The following ZNF316 variants were observed in gnomAD, a reference collection of about 807,000 sequenced individuals.
The protein encoded by ZNF316 is zinc finger protein 316.
A neutral mutation model predicts 75.6 loss-of-function variants in ZNF316; 23 were observed. The ratio of observed to expected loss-of-function variants is 0.30; its 90% CI spans 0.22 to 0.43. ZNF316 has a LOEUF of 0.43. Among genes scored for constraint, ZNF316 ranks in the 20% least tolerant of loss-of-function variants. ZNF316 has a pLI of 1.00. For synonymous variants in ZNF316, 827 were observed against 666.2 expected (o/e 1.24, Z -3.72); for missense variants, 1,266 against 1,409.4 (o/e 0.90, Z 1.63).
At chr7:6,649,839 C>G (rs1019663521) in intron 8 of ZNF316, among the ~76,000 whole-genome samples, 2 of 152,148 alleles carry the variant, frequency 1.3e-5, no homozygotes, top group Admixed American at 6.5e-5. Flanking sequence ...GCCCTCTCTA[C>G]AGATCCCACT....
chr7:6,643,812 G>C lies in ZNF316; in HGVS notation c.466-10G>C. The C allele has an allele frequency of 2.4e-6, 3 of 1,235,028 alleles. No homozygotes were observed. The highest frequency in any genetic ancestry group is 3.0e-6 in the Non-Finnish European group (3 of 989,684). The allele number at this position is 1,235,028 out of a possible 1,614,324, so 76.5% of individuals were successfully genotyped here. A position where few individuals can be genotyped will look rare whatever the true frequency, so the allele number is the denominator to read the frequency against. On this transcript the variant is annotated splice_polypyrimidine_tract_variant and intron_variant, in intron 6 of 8. Transcript: ENST00000382252. Reference sequence around the variant, plus strand: ...CCCTCAGCCTCTCACCTGAGGCTCTGTTTCCCCAGGAGCTGGTGACGTTTG... The same window carrying C: ...CCCTCAGCCTCTCACCTGAGGCTCTCTTTCCCCAGGAGCTGGTGACGTTTG...
Position 6,642,331 on chromosome 7 carries a change from C to A in ZNF316, c.-28-51C>A. 1 of 957,614 alleles carries A rather than the reference C, an allele frequency of 1.0e-6. No homozygotes were observed. Among genetic ancestry groups the A allele is most frequent in the Non-Finnish European group, 1.4e-6 (1 of 737,958 alleles). The allele number at this position is 957,614 out of a possible 1,614,324, so 59.3% of individuals were successfully genotyped here. A position where few individuals can be genotyped will look rare whatever the true frequency, so the allele number is the denominator to read the frequency against. ...GGCTGCGGGAGACCCTGTGAGGGGA[C>A]CGTGTGGTGTGCTGAGAGCAGCCCG... is the stretch of plus-strand genomic sequence containing the variant. On this transcript the variant is annotated intron_variant, in intron 4 of 8. Transcript: ENST00000382252. The surrounding 1 kb of genome is among the most constrained non-coding windows in gnomAD (Gnocchi z 8.1).
chr7:6,642,743 T>C lies in ZNF316; in HGVS notation c.334T>C (p.Ser112Pro). 8.1e-7 allele frequency: 1 copy of C among 1,233,368 alleles called. No homozygotes were observed. The highest frequency in any genetic ancestry group is 1.0e-6 in the Non-Finnish European group (1 of 988,974). The allele number at this position is 1,233,368 out of a possible 1,614,324, so 76.4% of individuals were successfully genotyped here. ...ERLSRGGDAK[S>P]PVLQEKGLQA... ...ACTTAGCCGTGGTGGTGATGCCAAG[T>C]CCCCAGTTCTTCAGGAAAAGGGTAA... is the stretch of plus-strand genomic sequence containing the variant. The change falls in exon 5 of 9, where the codon TCC (serine) becomes CCC (proline). Residue 112 changes from serine to proline, a missense_variant. This residue lies in a region of ZNF316 where 961 missense variants were observed against 990.9 expected (regional missense o/e 0.97). Transcript: ENST00000382252. The surrounding 1 kb of genome is among the most constrained non-coding windows in gnomAD (Gnocchi z 8.1).
chr7:6,644,604 A>G lies in ZNF316; in HGVS notation c.706+11A>G. On this transcript the variant is annotated intron_variant, in intron 8 of 8. Transcript: ENST00000382252. Reference sequence around the variant, plus strand: ...CTGGCGTCTACACAGGTGAGCGTGGATGGAATTTTGCGGTTTGTGCCGATA... The same window carrying G: ...CTGGCGTCTACACAGGTGAGCGTGGGTGGAATTTTGCGGTTTGTGCCGATA... 2.4e-6 allele frequency: 3 copies of G among 1,228,812 alleles called. 1 individual carries two copies. The highest frequency in any genetic ancestry group is 3.0e-6 in the Non-Finnish European group (3 of 984,912). 76.1% of individuals were successfully genotyped at this position (1,228,812 alleles called of 1,614,324 possible).
Position 6,642,284 on chromosome 7 carries a change from C to T in ZNF316, c.-28-98C>T, listed in dbSNP as rs1454227055. ...CAACTACATAACAGGAGGAGTAAAT[C>T]CTGCTCCCTGCGCCCCCGCCAGGCT... On this transcript the variant is annotated intron_variant, in intron 4 of 8. Coordinates refer to ENST00000382252, the MANE Select transcript of ZNF316 (RefSeq NM_001278559.2). The surrounding 1 kb of genome is among the most constrained non-coding windows in gnomAD (Gnocchi z 8.1). 2.0e-6 allele frequency: 1 copy of T among 510,062 alleles called. No homozygotes were observed. The highest frequency in any genetic ancestry group is 3.0e-6 in the Non-Finnish European group (1 of 328,664). The allele number at this position is 510,062 out of a possible 1,614,324, so 31.6% of individuals were successfully genotyped here.
rs907594755 is a variant in ZNF316 at position 6,652,903 on chromosome 7, C to T, written c.1307C>T (p.Ala436Val). 153 of 1,237,726 alleles carry T rather than the reference C, an allele frequency of 1.2e-4. No homozygotes were observed. Among genetic ancestry groups the T allele is most frequent in the Middle Eastern group, 2.1e-4 (1 of 4,768 alleles). 76.7% of individuals were successfully genotyped at this position (1,237,726 alleles called of 1,614,324 possible). ...CCCTACCGCTGCGCCTTCTGCGGCG[C>T]GGGCTTCGGGCGCCGCTCCTACCTG... Reference protein sequence around the residue: ...ERPYRCAFCGAGFGRRSYLVT... With the variant: ...ERPYRCAFCGVGFGRRSYLVT... The change falls in exon 9 of 9, where the codon GCG becomes GTG. Residue 436 changes from alanine (A) to valine (V), a missense_variant. Ala to Val is a moderately conservative substitution (Grantham distance 64, BLOSUM62 0). Around this residue, in one of 3 missense-constraint regions of ZNF316, gnomAD observed 961 missense variants for 990.9 expected, o/e 0.97. Transcript: ENST00000382252.
chr7:6,648,925 T>A (rs908640607), intron 8 of ZNF316, among the ~76,000 whole-genome samples: 2 of 152,174 alleles, frequency 1.3e-5, no homozygotes, highest in Non-Finnish European at 2.9e-5. Flanking sequence ...CTGGTGCTGA[T>A]GCCTGTGGAG....
rs1475869873 is a variant in ZNF316, at chr7:6,653,884, C to T, written c.2288C>T (p.Ala763Val). ...CGGTTCGCCCGCGGCTCGCACTTGG[C>T]GGCGCACGTGCGCGGCCACACGGGC... ...GARFARGSHL[A>V]AHVRGHTGEK... Residue 763 changes from alanine to valine, a missense_variant, in exon 9 of 9, where the codon GCG (alanine) becomes GTG (valine). Physicochemically the swap from Ala to Val is moderately conservative, Grantham distance 64. This residue lies in a region of ZNF316 where 194 missense variants were observed against 319.2 expected (regional missense o/e 0.61). Coordinates refer to ENST00000382252, the MANE Select transcript of ZNF316 (RefSeq NM_001278559.2). The T allele has an allele frequency of 1.8e-6, 2 of 1,100,374 alleles. No individual in the cohort carries two copies. The highest frequency in any genetic ancestry group is 2.2e-6 in the Non-Finnish European group (2 of 903,804). 68.2% of individuals were successfully genotyped at this position (1,100,374 alleles called of 1,614,324 possible).
At chr7:6,648,682 C>T (rs1215023207) in intron 8 of ZNF316, among the ~76,000 whole-genome samples, 1 of 152,200 alleles carries the variant, frequency 6.6e-6, no homozygotes, top group Non-Finnish European at 1.5e-5. Flanking sequence ...GAATTCACAC[C>T]CAGACAGAGC....
Position 6,652,626 on chromosome 7 carries a change from G to C in ZNF316, c.1030G>C (p.Glu344Gln). Residue 344 changes from glutamate (E) to glutamine (Q), a missense_variant, in exon 9 of 9, where the codon GAG (glutamate) becomes CAG (glutamine). This residue lies in a region of ZNF316 where 961 missense variants were observed against 990.9 expected (regional missense o/e 0.97). Transcript: ENST00000382252. The stretch of plus-strand genomic sequence containing the variant: ...AGTGGCCCCGCCGGCCGGGAGGCCG[G>C]AGACCACGTGCGACGTGTGCGGCAA... ...AAVAPPAGRP[E>Q]TTCDVCGKVF... 2 of 1,230,462 alleles carry C rather than the reference G, an allele frequency of 1.6e-6. No homozygotes were observed. The highest frequency in any genetic ancestry group is 2.0e-6 in the Non-Finnish European group (2 of 987,044). The allele number at this position is 1,230,462 out of a possible 1,614,324, so 76.2% of individuals were successfully genotyped here.
intron 8 of ZNF316, among the ~76,000 whole-genome samples, chr7:6,645,993 C>CAAAAAA (rs58670070): frequency 4.0e-5 from 4 of 98,962 alleles, no homozygotes; most frequent in Non-Finnish European, 6.0e-5. Context: ...GACGCCATCT[C>CAAAAAA]AAAAAAAAAA....
rs1779645131 is a variant in ZNF316 at position 6,657,314 on chromosome 7, A to C, written c.*2703A>C. On this transcript the variant is annotated 3_prime_UTR_variant, in exon 9 of 9. Coordinates refer to ENST00000382252, the MANE Select transcript of ZNF316 (RefSeq NM_001278559.2). ...CGGCCAGAGCAACCTAATATTTCAA[A>C]AAAAAAAAAAAAAAAAAAAAAAAAG... is the stretch of plus-strand genomic sequence containing the variant. Among the ~76,000 whole-genome samples, 2 of 29,366 alleles carry C rather than the reference A, an allele frequency of 6.8e-5. No individual in the cohort carries two copies. The highest frequency in any genetic ancestry group is 1.0e-4 in the Non-Finnish European group (2 of 19,414). The allele number at this position is 29,366 out of a possible 152,430, so 19.3% of individuals were successfully genotyped here. A position where few individuals can be genotyped will look rare whatever the true frequency, so the allele number is the denominator to read the frequency against.
chr7:6,640,258 T>C lies in ZNF316; in HGVS notation c.-167+1117T>C, dbSNP rs1393936998. ...CTGTTCTCGCATTGCTGTAAAGAAA[T>C]ACCTGAGACTGGGTCATTTATAAAG... On this transcript the variant is annotated intron_variant, in intron 3 of 8. Transcript: ENST00000382252. This position sits in a 1 kb window ranked among gnomAD's most constrained non-coding sequence, Gnocchi z 5.1. Among the ~76,000 whole-genome samples, 1 of 152,150 alleles carries C rather than the reference T, an allele frequency of 6.6e-6. No individual in the cohort carries two copies. Among genetic ancestry groups the C allele is most frequent in the Non-Finnish European group, 1.5e-5 (1 of 68,040 alleles).
Position 6,655,074 on chromosome 7 carries a change from C to G in ZNF316, c.*463C>G, listed in dbSNP as rs1375163380. ...GGTGGGTTTGGCTGACCACTTCTTC[C>G]CATTCCTCAGTGAGAGACTTGGGCC... On this transcript the variant is annotated 3_prime_UTR_variant, in exon 9 of 9. Transcript: ENST00000382252. 2 of 152,446 alleles carry G rather than the reference C, an allele frequency of 1.3e-5. No individual in the cohort carries two copies. The highest frequency in any genetic ancestry group is 4.8e-5 in the African/African-American group (2 of 41,454). The allele number at this position is 152,446 out of a possible 1,614,324, so 9.4% of individuals were successfully genotyped here.
Position 6,653,629 on chromosome 7 carries a change from A to G in ZNF316, c.2033A>G (p.Glu678Gly). 9.4e-7 allele frequency: 1 copy of G among 1,062,264 alleles called. No individual in the cohort carries two copies. The highest frequency in any genetic ancestry group is 1.1e-6 in the Non-Finnish European group (1 of 878,130). 65.8% of individuals were successfully genotyped at this position (1,062,264 alleles called of 1,614,324 possible). A position where few individuals can be genotyped will look rare whatever the true frequency, so the allele number is the denominator to read the frequency against. ...FGPAIGGLLA[E>G]PAPAALAEEE... is the part of the protein sequence containing the mutation. The stretch of plus-strand genomic sequence containing the variant: ...CCCGCCATCGGGGGTCTGCTGGCGG[A>G]GCCCGCGCCGGCCGCGCTGGCGGAG... Residue 678 changes from glutamate (E) to glycine (G), a missense_variant, in exon 9 of 9, where the codon GAG (glutamate) becomes GGG (glycine). Coordinates refer to ENST00000382252, the MANE Select transcript of ZNF316 (RefSeq NM_001278559.2).
rs1023435203 is a variant in ZNF316, at chr7:6,654,464, C to T, written c.2868C>T (p.Pro956=). The change falls in exon 9 of 9, where the codon CCC becomes CCT. Residue 956 remains proline (P), a synonymous_variant. Transcript: ENST00000382252. The stretch of plus-strand genomic sequence containing the variant: ...CGGCCCCAGCCCCCGCGCCCAAGCC[C>T]GAGGCGGCCGCCAAGGGGCCGTCCA... The part of the protein sequence containing the change: ...SGSAPAPAPK[P]EAAAKGPSSA... The T allele has an allele frequency of 4.5e-5, 54 of 1,192,828 alleles. No homozygotes were observed. The highest frequency in any genetic ancestry group is 2.7e-4 in the Admixed American group (6 of 22,296). 73.9% of individuals were successfully genotyped at this position (1,192,828 alleles called of 1,614,324 possible). A position where few individuals can be genotyped will look rare whatever the true frequency, so the allele number is the denominator to read the frequency against.
Position 6,640,193 on chromosome 7 carries a change from G to A in ZNF316, c.-167+1052G>A, listed in dbSNP as rs192303417. 5.3e-5 allele frequency among the ~76,000 whole-genome samples: 8 copies of A among 152,314 alleles called. No individual in the cohort carries two copies. The East Asian group carries it at 9.7e-4, about 18-fold the overall frequency. Reference sequence around the variant, plus strand: ...TCAAAGCAGTTCAGGAAATGAGTACGCGCGGCTGCTATGGTTTGGGTGTTT... The same window carrying A: ...TCAAAGCAGTTCAGGAAATGAGTACACGCGGCTGCTATGGTTTGGGTGTTT... On this transcript the variant is annotated intron_variant, in intron 3 of 8. Coordinates refer to ENST00000382252, the MANE Select transcript of ZNF316 (RefSeq NM_001278559.2). This position sits in a 1 kb window ranked among gnomAD's most constrained non-coding sequence, Gnocchi z 5.1.
rs1361266689 is a variant in ZNF316, at chr7:6,654,750, G to A, written c.*139G>A. The A allele has an allele frequency of 1.1e-5, 8 of 754,904 alleles. No homozygotes were observed. Among genetic ancestry groups the A allele is most frequent in the Middle Eastern group, 5.2e-4 (1 of 1,928 alleles). 46.8% of individuals were successfully genotyped at this position (754,904 alleles called of 1,614,324 possible). Reference sequence around the variant, plus strand: ...TGCCTTCCCTCAGCCCTCGCCCTGCGGCCCCGGGTCTCATGCCCGCCGGGT... The same window carrying A: ...TGCCTTCCCTCAGCCCTCGCCCTGCAGCCCCGGGTCTCATGCCCGCCGGGT... On this transcript the variant is annotated 3_prime_UTR_variant, in exon 9 of 9. Transcript: ENST00000382252.
rs550955935 is a variant in ZNF316 at position 6,658,185 on chromosome 7, C to T, written c.*3574C>T. ...ACTTAATCTCGTCCAACATTTCCTT[C>T]TATCTCCCTTTTTTCTTTCTCTAAT... On this transcript the variant is annotated 3_prime_UTR_variant, in exon 9 of 9. Transcript: ENST00000382252. Among the ~76,000 whole-genome samples, 6 of 152,166 alleles carry T rather than the reference C, an allele frequency of 3.9e-5. No homozygotes were observed. Among genetic ancestry groups the T allele is most frequent in the Non-Finnish European group, 8.8e-5 (6 of 68,028 alleles).
Sources: allele counts gnomAD v4.1 joint callset (sites outside exome capture counted in the v4.1 genomes callset), GRCh38; gene constraint gnomAD v4.1.1; regional missense constraint gnomAD v4.1.1; non-coding constraint Gnocchi (gnomAD v3.1); transcripts MANE v1.5; gene names NCBI Gene and HGNC (gene_info 2026-07-23, HGNC 2026-07-21).